Variants in ELMO1 observed in about 807,000 individuals in gnomAD.
The protein encoded by ELMO1 is engulfment and cell motility protein 1.
A neutral mutation model predicts 98.9 loss-of-function variants in ELMO1; 26 were observed. The ratio of observed to expected loss-of-function variants is 0.26; its 90% confidence interval spans 0.19 to 0.36. The LOEUF (loss-of-function observed/expected upper bound fraction) is 0.36. Ranked by LOEUF, ELMO1 falls within the 10% of genes least tolerant of loss-of-function variation. The pLI is 1.00. For missense variants in ELMO1, 627 were observed against 935.2 expected, an observed-to-expected ratio of 0.67 and a Z score of 4.30; for synonymous variants, 346 against 346.0, an observed-to-expected ratio of 1.00 and a Z score of 0.00.
chr7:36,898,347 G>T (rs954575257), intron 16 of ELMO1, among the ~76,000 whole-genome samples: 1 of 152,192 alleles, frequency 6.6e-6, no homozygotes, highest in African/African-American at 2.4e-5. Context: ...AGACATCAAA[G>T]AAAGCACGCT....
chr7:37,337,474 T>C (rs1327353339), intron 2 of ELMO1, among the ~76,000 whole-genome samples: 1 of 149,562 alleles, frequency 6.7e-6, no homozygotes, highest in African/African-American at 2.5e-5. Context: ...CATGTATACA[T>C]ATGTAACTAA....
At chr7:37,185,255 T>C (rs144875580) in intron 13 of ELMO1, among the ~76,000 whole-genome samples, 30 of 152,328 alleles carry the variant, frequency 2.0e-4, no homozygotes, top group African/African-American at 7.0e-4. Flanking sequence ...TTCAAAGATA[T>C]TACAATAGAA....
chr7:36,890,953 C>T lies in ELMO1; in HGVS notation c.1602-3281G>A, dbSNP rs923090984. Among the ~76,000 whole-genome samples, 4 of 152,248 alleles carry T rather than the reference C, an allele frequency of 2.6e-5. No individual in the cohort carries two copies. In the East Asian group the frequency reaches 5.8e-4, roughly 22 times the overall value. ...CACTAAACACCCAGACCTGCTCCAA[C>T]CTCAGGGCCTTTGCCCTGGTGGTTC... On this transcript the variant is annotated intron_variant, in intron 17 of 21. Transcript: ENST00000310758.
chr7:37,161,935 T>TATATATATATATATATATATATA (rs1789245499), intron 13 of ELMO1, among the ~76,000 whole-genome samples: 1 of 118,638 alleles, frequency 8.4e-6, no homozygotes, highest in Non-Finnish European at 1.8e-5. Context: ...TATATATATA[T>TATATATATATATATATATATATA]GTTAAGCGTG....
chr7:37,181,516 A>G (rs1039869984), intron 13 of ELMO1, among the ~76,000 whole-genome samples: 2 of 152,188 alleles, frequency 1.3e-5, no homozygotes, highest in African/African-American at 4.8e-5. Flanking sequence ...ATGCAATCCT[A>G]GTTACAGAAA....
intron 16 of ELMO1, among the ~76,000 whole-genome samples, chr7:36,980,533 T>C (rs932262277): frequency 2.6e-5 from 4 of 152,258 alleles, no homozygotes; most frequent in African/African-American, 9.6e-5. Context: ...AAAACTTAGA[T>C]GCTAAGCTAG....
chr7:37,241,237 G>T (rs894080014), intron 7 of ELMO1, among the ~76,000 whole-genome samples: 3 of 151,942 alleles, frequency 2.0e-5, no homozygotes, highest in Non-Finnish European at 4.4e-5. Context: ...TTAATGAGGC[G>T]ACCATTTTTA....
At chr7:37,061,704 G>A (rs1028072918) in intron 15 of ELMO1, among the ~76,000 whole-genome samples, 9 of 152,090 alleles carry the variant, frequency 5.9e-5, no homozygotes, top group African/African-American at 2.2e-4. Context: ...CTTTTATAAC[G>A]AGCATGGATT....
intron 1 of ELMO1, among the ~76,000 whole-genome samples, chr7:37,389,452 C>T (rs929207082): frequency 6.6e-6 from 1 of 152,108 alleles, no homozygotes; most frequent in African/African-American, 2.4e-5. Context: ...AGTGTTTTTC[C>T]CTCCATTGTG....
intron 1 of ELMO1, among the ~76,000 whole-genome samples, chr7:37,388,655 C>G (rs1037294412): frequency 6.7e-6 from 1 of 150,150 alleles, no homozygotes; most frequent in Non-Finnish European, 1.5e-5. Flanking sequence ...AAGACTGCCA[C>G]CAGCTGGGCA....
chr7:37,358,510 C>G (rs4720244), intron 1 of ELMO1, among the ~76,000 whole-genome samples: 54,934 of 152,032 alleles, frequency 0.36, 10,282 homozygotes, highest in East Asian at 0.6. Context: ...ATAAACCCAT[C>G]TGGAACACTT....
chr7:37,272,680 G>GAAAAAAAAA (rs35128089), intron 4 of ELMO1, among the ~76,000 whole-genome samples: 1 of 112,700 alleles, frequency 8.9e-6, no homozygotes, highest in Non-Finnish European at 2.0e-5. Context: ...CGTCTTAAAG[G>GAAAAAAAAA]AAAAAAAAAA....
At chr7:37,348,811 C>A (rs147950421) in intron 1 of ELMO1, among the ~76,000 whole-genome samples, 4 of 152,164 alleles carry the variant, frequency 2.6e-5, no homozygotes, top group Non-Finnish European at 4.4e-5. Context: ...TTTTTCCATA[C>A]AGCTTAATTA....
At chr7:37,338,911 T>C (rs774542289) in intron 2 of ELMO1, among the ~76,000 whole-genome samples, 1 of 152,118 alleles carries the variant, frequency 6.6e-6, no homozygotes, top group Non-Finnish European at 1.5e-5. Context: ...AACACAGAAT[T>C]TTCTCCTAAA....
chr7:36,962,596 G>T (rs1450795139), intron 16 of ELMO1, among the ~76,000 whole-genome samples: 1 of 143,826 alleles, frequency 7.0e-6, no homozygotes, highest in African/African-American at 2.5e-5. Context: ...TGTGGTAGGT[G>T]TTGAGTAAAC....
intron 16 of ELMO1, among the ~76,000 whole-genome samples, chr7:36,941,788 T>C (rs1986857): frequency 0.066 from 9,975 of 152,278 alleles, 551 homozygotes; most frequent in East Asian, 0.28. Flanking sequence ...ATCTTCTCCA[T>C]TTGGAAGATA....
intron 13 of ELMO1, among the ~76,000 whole-genome samples, chr7:37,163,523 G>A (rs919755628): frequency 3.9e-5 from 4 of 102,150 alleles, no homozygotes; most frequent in East Asian, 3.0e-4. Context: ...TCCCCAGAGC[G>A]TGATGTTCCC....
intron 13 of ELMO1, among the ~76,000 whole-genome samples, chr7:37,163,668 G>A (rs912447042): frequency 2.0e-5 from 3 of 151,906 alleles, no homozygotes; most frequent in Non-Finnish European, 2.9e-5. Flanking sequence ...CAAAGGACAT[G>A]AACTCATTTT....
chr7:37,052,445 C>T (rs113107850), intron 15 of ELMO1, among the ~76,000 whole-genome samples: 2 of 152,286 alleles, frequency 1.3e-5, no homozygotes, highest in African/African-American at 4.8e-5. Flanking sequence ...TCTATCAGAG[C>T]TCTCATCGAA....
Sources: gnomAD v4.1 joint callset for allele counts (sites outside exome capture counted in the v4.1 genomes callset) on GRCh38, gnomAD v4.1.1 for gene constraint, MANE v1.5 for transcripts, NCBI Gene and HGNC (gene_info 2026-07-23, HGNC 2026-07-21) for gene names.